KIAA0825: variants seen among roughly 807,000 people sequenced by gnomAD.
KIAA0825 encodes KIAA0825.
KIAA0825 carries 119 observed loss-of-function variants against 147.6 expected under a neutral mutation model. The observed-to-expected ratio is 0.81, with a 90% confidence interval of 0.69 to 0.94. KIAA0825 has a LOEUF of 0.94. Ranked by LOEUF, KIAA0825 falls within the 40% of genes least tolerant of loss-of-function variation. KIAA0825 has a pLI of 0.00. For synonymous variants in KIAA0825, 470 were observed against 518.1 expected (o/e 0.91, Z 1.26); for missense variants, 1,381 against 1,472.7 (o/e 0.94, Z 1.02).
Position 94,477,127 on chromosome 5 carries a change from G to GAAT in KIAA0825, c.1210_1211insATT (p.Gln403_Ser404insTyr). 1 of 1,550,398 alleles carries GAAT rather than the reference G, an allele frequency of 6.4e-7. No homozygotes were observed. Among genetic ancestry groups the GAAT allele is most frequent in the Non-Finnish European group, 8.7e-7 (1 of 1,146,420 alleles). On this transcript the variant is annotated inframe_insertion, in exon 7 of 21. Coordinates refer to ENST00000682413, the MANE Select transcript of KIAA0825 (RefSeq NM_001145678.3). ...TTCACTTACCTCTTTTCCTGGTAGT[G>GAAT]ATTGCTCGGAAGGAATATTGGTTTC...
intron 20 of KIAA0825, among the ~76,000 whole-genome samples, chr5:94,280,980 T>C (rs1247250190): frequency 6.6e-6 from 1 of 152,110 alleles, no homozygotes; most frequent in Non-Finnish European, 1.5e-5. Flanking sequence ...ACAATTCAGT[T>C]TGTGCCCATA....
intron 2 of KIAA0825, among the ~76,000 whole-genome samples, chr5:94,542,068 A>T (rs966441948): frequency 6.6e-6 from 1 of 152,210 alleles, no homozygotes; most frequent in Non-Finnish European, 1.5e-5. Context: ...TCCACAGACA[A>T]TTGTTGTCTT....
At chr5:94,529,455 GTA>G (rs59043433) in intron 3 of KIAA0825, among the ~76,000 whole-genome samples, 1 of 146,710 alleles carries the variant, frequency 6.8e-6, no homozygotes, top group Non-Finnish European at 1.5e-5. Flanking sequence ...TATATGTAGT[GTA>G]TATATATATT....
At chr5:94,432,586 TGACAAAAAAAAA>T (rs1755827283) in intron 14 of KIAA0825, among the ~76,000 whole-genome samples, 2 of 145,906 alleles carry the variant, frequency 1.4e-5, no homozygotes, top group Non-Finnish European at 3.0e-5. Flanking sequence ...GTAAAGAAAG[TGACAAAAAAAAA>T]ATAGAACAAG....
chr5:94,329,751 C>T (rs1433418664), intron 20 of KIAA0825, among the ~76,000 whole-genome samples: 1 of 152,008 alleles, frequency 6.6e-6, no homozygotes, highest in East Asian at 1.9e-4. Flanking sequence ...CCCTCCCCCC[C>T]TTTTTTTATT....
intron 15 of KIAA0825, chr5:94,416,783 C>T (rs1360363676): frequency 5.9e-6 from 1 of 170,860 alleles, no homozygotes; most frequent in Non-Finnish European, 1.3e-5. Flanking sequence ...ATAATAAATG[C>T]CTTATACATC....
At chr5:94,443,626 T>G (rs1757382218) in intron 13 of KIAA0825, among the ~76,000 whole-genome samples, 1 of 152,196 alleles carries the variant, frequency 6.6e-6, no homozygotes, top group African/African-American at 2.4e-5. Context: ...TATTAAACTA[T>G]TTTTATAAAA....
intron 20 of KIAA0825, among the ~76,000 whole-genome samples, chr5:94,316,387 C>CAA (rs541592436): frequency 2.8e-5 from 4 of 142,150 alleles, no homozygotes; most frequent in African/African-American, 5.1e-5. Context: ...TCTATAATAC[C>CAA]AAAAAAAAAA....
At chr5:94,485,656 G>A (rs1405742929) in intron 5 of KIAA0825, among the ~76,000 whole-genome samples, 1 of 151,616 alleles carries the variant, frequency 6.6e-6, no homozygotes, top group Non-Finnish European at 1.5e-5. Context: ...AAGCAAAAGT[G>A]GAAATGTGGT....
At chr5:94,356,849 C>T (rs1024719667) in intron 20 of KIAA0825, among the ~76,000 whole-genome samples, 7 of 150,544 alleles carry the variant, frequency 4.6e-5, no homozygotes, top group Non-Finnish European at 8.9e-5. Flanking sequence ...ATCAGCCTCC[C>T]GAGTAGCTGG....
chr5:94,254,873 A>T (rs921450185), intron 20 of KIAA0825, among the ~76,000 whole-genome samples: 13 of 152,012 alleles, frequency 8.6e-5, no homozygotes, highest in Non-Finnish European at 1.6e-4. Flanking sequence ...ATATTATCAC[A>T]TTATTTTTCA....
In KIAA0825 at chr5:94,490,163, G is replaced by A. The variant is rs1421722530; in HGVS notation, c.971-5233C>T. Among the ~76,000 whole-genome samples, 2 of 152,072 alleles carry A rather than the reference G, an allele frequency of 1.3e-5. 1 individual carries two copies. The highest frequency in any genetic ancestry group is 4.8e-5 in the African/African-American group (2 of 41,404). Reference sequence around the variant, plus strand: ...AACACAAGTGTAAAATGATTTCCATGAGGCCAAAGACTATATCCAGCTTAT... The same window carrying A: ...AACACAAGTGTAAAATGATTTCCATAAGGCCAAAGACTATATCCAGCTTAT... On this transcript the variant is annotated intron_variant, in intron 5 of 20. Coordinates refer to ENST00000682413, the MANE Select transcript of KIAA0825 (RefSeq NM_001145678.3).
At chr5:94,536,946 T>C (rs770220972) in intron 3 of KIAA0825, 50 bp downstream of exon 3, 4 of 1,348,540 alleles carry the variant, frequency 3.0e-6, no homozygotes, top group Non-Finnish European at 4.2e-6. Context: ...GTAAATTTCA[T>C]ATAAGTGAAA....
At chr5:94,590,608 G>C (rs1784175225) in intron 1 of KIAA0825, among the ~76,000 whole-genome samples, 1 of 152,188 alleles carries the variant, frequency 6.6e-6, no homozygotes, top group Non-Finnish European at 1.5e-5. Context: ...GAAATCACAA[G>C]GTTTCTTGTA....
At chr5:94,280,674 C>T (rs1184659650) in intron 20 of KIAA0825, among the ~76,000 whole-genome samples, 2 of 152,060 alleles carry the variant, frequency 1.3e-5, no homozygotes, top group Non-Finnish European at 2.9e-5. Flanking sequence ...ACCACACGTC[C>T]TCACTGCTAG....
At chr5:94,505,038 GC>G (rs1765578569) in intron 5 of KIAA0825, among the ~76,000 whole-genome samples, 1 of 151,722 alleles carries the variant, frequency 6.6e-6, no homozygotes. Context: ...GAGCCACCGT[GC>G]CCAGTTCACC....
chr5:94,372,559 T>C (rs1352282953), intron 20 of KIAA0825, among the ~76,000 whole-genome samples: 3 of 152,206 alleles, frequency 2.0e-5, no homozygotes, highest in African/African-American at 7.2e-5. Context: ...GCCCCTTTTA[T>C]CCAAGGCTGG....
At chr5:94,154,274 A>G (rs1766825257) in intron 20 of KIAA0825, 150 bp from the exon 21 acceptor site, 16 of 631,648 alleles carry the variant, frequency 2.5e-5, no homozygotes, top group South Asian at 3.9e-5. Flanking sequence ...GGGTAATACA[A>G]TTCATTGGCA....
rs569231344 is a variant in KIAA0825, at chr5:94,251,755, T to C, written c.3711-97631A>G. On this transcript the variant is annotated intron_variant, in intron 20 of 20. Coordinates refer to ENST00000682413, the MANE Select transcript of KIAA0825 (RefSeq NM_001145678.3). ...GAATAAATAAAATGCATTTTTTTTG[T>C]ATAGGTTGTTTGCAAAAAAGAAATA... is the stretch of plus-strand genomic sequence containing the variant. Among the ~76,000 whole-genome samples, 22 of 152,216 alleles carry C rather than the reference T, an allele frequency of 1.4e-4. No individual in the cohort carries two copies. The South Asian group carries it at 4.6e-3, about 32-fold the overall frequency.
Sources: gnomAD v4.1 joint callset for allele counts (sites outside exome capture counted in the v4.1 genomes callset) on GRCh38, gnomAD v4.1.1 for gene constraint, MANE v1.5 for transcripts, NCBI Gene and HGNC (gene_info 2026-07-23, HGNC 2026-07-21) for gene names.